The following GRID2 variants were observed in gnomAD, a reference collection of about 807,000 sequenced individuals.
The protein encoded by GRID2 is glutamate receptor ionotropic, delta-2.
In GRID2, 33 loss-of-function variants were observed where a neutral mutation model predicts 114.8. The ratio of observed to expected loss-of-function variants is 0.29; its 90% CI spans 0.22 to 0.38. The LOEUF is 0.38. GRID2 is among the 10% of genes least tolerant of loss of function. The probability of loss-of-function intolerance (pLI) is 1.00; values close to 1 mark genes in which losing one functional copy is unlikely to be tolerated. For synonymous variants in GRID2, 505 were observed against 449.9 expected (o/e 1.12, Z -1.55); for missense variants, 1,184 against 1,257.7 (o/e 0.94, Z 0.89).
intron 13 of GRID2, among the ~76,000 whole-genome samples, chr4:93,568,493 T>C (rs1297109036): frequency 6.6e-6 from 1 of 152,180 alleles, no homozygotes; most frequent in Non-Finnish European, 1.5e-5. Flanking sequence ...ATAATTATCC[T>C]ACCCAAAATG....
At chr4:92,487,449 ATC>A (rs1722948993) in intron 1 of GRID2, among the ~76,000 whole-genome samples, 1 of 151,946 alleles carries the variant, frequency 6.6e-6, no homozygotes, top group Non-Finnish European at 1.5e-5. Flanking sequence ...TGACATTAAA[ATC>A]TCTCAAGTTT....
intron 1 of GRID2, among the ~76,000 whole-genome samples, chr4:92,472,200 T>C (rs932220433): frequency 6.6e-6 from 1 of 150,686 alleles, no homozygotes; most frequent in Admixed American, 6.6e-5. Context: ...CCCAAAGTGC[T>C]GGGATTACAG....
At chr4:93,106,168 A>G (rs747861883) in intron 3 of GRID2, among the ~76,000 whole-genome samples, 2 of 152,140 alleles carry the variant, frequency 1.3e-5, no homozygotes, top group East Asian at 1.9e-4. Flanking sequence ...AATAGCACCT[A>G]GTCACACCCA....
chr4:93,164,751 CACTT>C, intron 4 of GRID2: 1 of 430,458 alleles, frequency 2.3e-6, no homozygotes, highest in Non-Finnish European at 4.8e-6. Flanking sequence ...TTTAGAAAAA[CACTT>C]AGGGAGGAAA....
chr4:93,584,274 A>G (rs1171577988), intron 13 of GRID2, among the ~76,000 whole-genome samples: 1 of 152,198 alleles, frequency 6.6e-6, no homozygotes, highest in Non-Finnish European at 1.5e-5. Context: ...ACTAGAAAGC[A>G]ATATTGTCAC....
At chr4:93,312,876 G>T (rs1756170919) in intron 8 of GRID2, among the ~76,000 whole-genome samples, 2 of 152,138 alleles carry the variant, frequency 1.3e-5, no homozygotes. Context: ...GTATAGGGAG[G>T]CATGGAAGTT....
chr4:92,893,798 A>AT, intron 2 of GRID2, among the ~76,000 whole-genome samples: 1 of 152,170 alleles, frequency 6.6e-6, no homozygotes. Context: ...TGAAAATGAG[A>AT]TTTATGAGGA....
At chr4:92,670,803 G>A (rs940262744) in intron 2 of GRID2, among the ~76,000 whole-genome samples, 2 of 151,916 alleles carry the variant, frequency 1.3e-5, no homozygotes, top group Admixed American at 1.3e-4. Flanking sequence ...AGAAAACCGG[G>A]GCTTAGAGAG....
intron 14 of GRID2, among the ~76,000 whole-genome samples, chr4:93,765,438 AG>A (rs1334246640): frequency 6.6e-6 from 1 of 151,922 alleles, no homozygotes; most frequent in Non-Finnish European, 1.5e-5. Context: ...AACAATACAA[AG>A]AGATTTTTGT....
At chr4:92,460,951 T>G (rs1721464962) in intron 1 of GRID2, among the ~76,000 whole-genome samples, 1 of 151,926 alleles carries the variant, frequency 6.6e-6, no homozygotes, top group South Asian at 2.1e-4. Context: ...CATTTGAAGC[T>G]TCATATATAT....
intron 8 of GRID2, among the ~76,000 whole-genome samples, chr4:93,298,390 G>C (rs1055128590): frequency 6.6e-6 from 1 of 152,146 alleles, no homozygotes; most frequent in African/African-American, 2.4e-5. Flanking sequence ...CCAACTCCTG[G>C]CTGTTCCCTC....
intron 2 of GRID2, among the ~76,000 whole-genome samples, chr4:92,784,146 G>T (rs1175013536): frequency 6.6e-6 from 1 of 151,814 alleles, no homozygotes; most frequent in Non-Finnish European, 1.5e-5. Context: ...TAATTATGTA[G>T]ATTTGGATAA....
chr4:93,167,613 C>G (rs2149417074), intron 4 of GRID2, among the ~76,000 whole-genome samples: 1 of 151,874 alleles, frequency 6.6e-6, no homozygotes, highest in East Asian at 1.9e-4. Context: ...AAGGATGAGC[C>G]TATAGATTAA....
intron 2 of GRID2, among the ~76,000 whole-genome samples, chr4:92,720,588 T>C (rs2149317138): frequency 6.6e-6 from 1 of 152,224 alleles, no homozygotes; most frequent in South Asian, 2.1e-4. Flanking sequence ...ATATATTGAT[T>C]TGTCTATACC....
chr4:93,765,501 G>C (rs148365102), intron 14 of GRID2, among the ~76,000 whole-genome samples: 3 of 151,590 alleles, frequency 2.0e-5, no homozygotes, highest in East Asian at 1.9e-4. Context: ...CTTTCCCCTC[G>C]ATGATCTCCT....
chr4:93,614,675 G>A (rs1741406810), intron 13 of GRID2, among the ~76,000 whole-genome samples: 1 of 152,060 alleles, frequency 6.6e-6, no homozygotes, highest in Admixed American at 6.6e-5. Flanking sequence ...TGTGACAAAA[G>A]TATAACAATA....
At chr4:92,912,601 T>C (rs1748474367) in intron 2 of GRID2, among the ~76,000 whole-genome samples, 1 of 151,884 alleles carries the variant, frequency 6.6e-6, no homozygotes, top group Non-Finnish European at 1.5e-5. Context: ...CTTATGTCAA[T>C]AGAGTTTCAA....
At position 92,480,044 on chromosome 4, in the gene GRID2, A is replaced by T. The variant is rs568011339; in HGVS notation, c.89-110087A>T. Among the ~76,000 whole-genome samples the T allele has an allele frequency of 3.3e-5, 5 of 152,218 alleles. No individual in the cohort carries two copies. The South Asian group carries it at 1.0e-3, about 32-fold the overall frequency. Reference sequence around the variant, plus strand: ...AGTATTATTATTATTGTTATTTTGGAACATGTTTTCCCTTCTGATTAGTTT... The same window carrying T: ...AGTATTATTATTATTGTTATTTTGGTACATGTTTTCCCTTCTGATTAGTTT... On this transcript the variant is annotated intron_variant, in intron 1 of 15. Transcript: ENST00000282020.
At chr4:93,255,097 G>A (rs138232045) in intron 8 of GRID2, among the ~76,000 whole-genome samples, 26 of 152,054 alleles carry the variant, frequency 1.7e-4, no homozygotes, top group African/African-American at 2.9e-4. Flanking sequence ...TATAGCTCTC[G>A]TGTTAGCTGT....
Sources: allele counts gnomAD v4.1 joint callset (sites outside exome capture counted in the v4.1 genomes callset), GRCh38; gene constraint gnomAD v4.1.1; transcripts MANE v1.5; gene names NCBI Gene and HGNC (gene_info 2026-07-23, HGNC 2026-07-21).